CDH3: variants seen among roughly 807,000 people sequenced by gnomAD.
CDH3 encodes cadherin-3.
A neutral mutation model predicts 82.0 loss-of-function variants in CDH3; 54 were observed. The ratio of observed to expected loss-of-function variants is 0.66; its 90% CI spans 0.53 to 0.83. CDH3 has a LOEUF of 0.83. Among genes scored for constraint, CDH3 ranks in the 40% least tolerant of loss-of-function variants. The pLI, the probability that CDH3 is intolerant of heterozygous loss-of-function variation, is 0.00. For missense variants in CDH3, 1,054 were observed against 1,084.6 expected (o/e 0.97, Z 0.40); for synonymous variants, 446 against 437.9 (o/e 1.02, Z -0.23).
chr16:68,711,930 T>C (rs1962035676), intron 1 of CDH3, among the ~76,000 whole-genome samples: 1 of 151,874 alleles, frequency 6.6e-6, no homozygotes, highest in Non-Finnish European at 1.5e-5. Context: ...AGGACAGCCC[T>C]AAGATGGAAG....
chr16:68,649,731 G>T (rs1047452747), intron 2 of CDH3, among the ~76,000 whole-genome samples: 1 of 152,048 alleles, frequency 6.6e-6, no homozygotes, highest in South Asian at 2.1e-4. Flanking sequence ...AGGGCTGGGG[G>T]CTCCTTAAAA....
chr16:68,690,456 T>C (rs28558622), intron 12 of CDH3, among the ~76,000 whole-genome samples: 5,031 of 148,998 alleles, frequency 0.034, 269 homozygotes, highest in African/African-American at 0.12. Context: ...CTGCTAAAAA[T>C]ACAAAAACTA....
chr16:68,652,316 G>A (rs150731240), intron 2 of CDH3, among the ~76,000 whole-genome samples: 2 of 152,228 alleles, frequency 1.3e-5, no homozygotes, highest in Non-Finnish European at 2.9e-5. Context: ...TGGGGAGCAG[G>A]TCTCAAACCT....
chr16:68,658,199 C>T (rs907988864), intron 2 of CDH3, among the ~76,000 whole-genome samples: 1 of 151,944 alleles, frequency 6.6e-6, no homozygotes, highest in South Asian at 2.1e-4. Context: ...TTCCTGGCCC[C>T]CAGTCATTTT....
At chr16:68,721,915 C>A (rs1239350801) in intron 1 of CDH3, among the ~76,000 whole-genome samples, 1 of 152,020 alleles carries the variant, frequency 6.6e-6, no homozygotes. Context: ...CATGGTGAAA[C>A]CCTATCTCTA....
intron 9 of CDH3, 36 bp from the exon 10 acceptor site, chr16:68,684,547 A>G (rs1262973829): frequency 6.2e-7 from 1 of 1,613,524 alleles, no homozygotes; most frequent in Admixed American, 1.7e-5. Context: ...TCCTCTCAAA[A>G]TGGTGGTCCA....
At chr16:68,725,403 G>A (rs949420123) in intron 2 of CDH3, among the ~76,000 whole-genome samples, 6 of 151,514 alleles carry the variant, frequency 4.0e-5, no homozygotes, top group South Asian at 4.2e-4. Flanking sequence ...GCCCGATCTC[G>A]GCTCACTGCA....
chr16:68,712,042 T>C (rs1284053342), intron 1 of CDH3, among the ~76,000 whole-genome samples: 1 of 145,182 alleles, frequency 6.9e-6, no homozygotes, highest in African/African-American at 2.5e-5. Flanking sequence ...GTTTTCTTTT[T>C]TTTTTTTTTT....
intron 1 of CDH3, among the ~76,000 whole-genome samples, chr16:68,712,847 A>G (rs1962047445): frequency 6.6e-6 from 1 of 151,988 alleles, no homozygotes; most frequent in Admixed American, 6.6e-5. Flanking sequence ...ATGCCCAGCT[A>G]ATTTTTGTAT....
intron 12 of CDH3, among the ~76,000 whole-genome samples, chr16:68,690,972 CTCTG>C (rs1961554041): frequency 6.6e-6 from 1 of 151,468 alleles, no homozygotes; most frequent in Admixed American, 6.6e-5. Flanking sequence ...CTATCAGCTG[CTCTG>C]TCTATGGAGT....
chr16:68,691,197 G>T (rs1024599834), intron 12 of CDH3, among the ~76,000 whole-genome samples: 13 of 151,858 alleles, frequency 8.6e-5, no homozygotes, highest in African/African-American at 2.9e-4. Flanking sequence ...GTAGAGACGG[G>T]TTTTCACCAT....
chr16:68,726,242 G>T lies in CDH3; in HGVS notation c.*46-911G>T, dbSNP rs570116722. 4.6e-5 allele frequency among the ~76,000 whole-genome samples: 7 copies of T among 152,146 alleles called. No homozygotes were observed. The South Asian group carries it at 1.2e-3, about 27-fold the overall frequency. On this transcript the variant is annotated intron_variant, in intron 2 of 2. Coordinates refer to the CDH3 transcript ENST00000569080. ...CTGGGAAATGGGGATGATTGTGTCTGCTCTATAGGCTGGCCAGAGGACCAA... is the reference window on the plus strand; with the variant it reads ...CTGGGAAATGGGGATGATTGTGTCTTCTCTATAGGCTGGCCAGAGGACCAA...
intron 2 of CDH3, among the ~76,000 whole-genome samples, chr16:68,655,771 G>A (rs931754390): frequency 6.6e-6 from 1 of 152,204 alleles, no homozygotes; most frequent in Admixed American, 6.5e-5. Flanking sequence ...GCTGAGGCAG[G>A]AGAATGGCTT....
intron 2 of CDH3, chr16:68,651,566 C>T (rs1189353548): frequency 4.0e-6 from 2 of 498,324 alleles, no homozygotes; most frequent in Non-Finnish European, 8.0e-6. Flanking sequence ...TAGTCTTGGC[C>T]TTCCCCGCCA....
intron 2 of CDH3, chr16:68,651,557 A>G (rs1250085044): frequency 4.0e-6 from 2 of 497,848 alleles, no homozygotes; most frequent in African/African-American, 2.0e-5. Context: ...GCAGCCCCTT[A>G]GTCTTGGCCT....
chr16:68,679,034 T>A, intron 6 of CDH3, 128 bp downstream of exon 6: 2 of 926,492 alleles, frequency 2.2e-6, no homozygotes, highest in East Asian at 5.2e-5. Flanking sequence ...AATCCAGATT[T>A]CCCCCCTTCC....
At chr16:68,656,247 T>A (rs1960407154) in intron 2 of CDH3, among the ~76,000 whole-genome samples, 1 of 152,170 alleles carries the variant, frequency 6.6e-6, no homozygotes, top group Non-Finnish European at 1.5e-5. Context: ...TGTACCAGTA[T>A]GGAGGCCAGG....
At chr16:68,677,447 C>A (rs757937414) in intron 3 of CDH3, among the ~76,000 whole-genome samples, 3 of 152,168 alleles carry the variant, frequency 2.0e-5, no homozygotes, top group African/African-American at 4.8e-5. Context: ...CAGCATAAAT[C>A]AAAAATCAGG....
chr16:68,733,024 G>T, the CDH3 span, among the ~76,000 whole-genome samples: 499 of 152,242 alleles, frequency 3.3e-3, 6 homozygotes, highest in African/African-American at 0.011. Context: ...ACTGGAAAGG[G>T]AATGTATTGG....
Sources: allele counts gnomAD v4.1 joint callset (sites outside exome capture counted in the v4.1 genomes callset), GRCh38; gene constraint gnomAD v4.1.1; transcripts MANE v1.5; gene names NCBI Gene and HGNC (gene_info 2026-07-23, HGNC 2026-07-21).